The following DNAH8 variants were observed in gnomAD, a reference collection of about 807,000 sequenced individuals.
The protein encoded by DNAH8 is axonemal beta dynein heavy chain 8.
A neutral mutation model predicts 562.1 loss-of-function variants in DNAH8; 382 were observed. That is an observed-to-expected ratio of 0.68 (90% confidence interval 0.63 to 0.74). The LOEUF (loss-of-function observed/expected upper bound fraction) is 0.74. Among genes scored for constraint, DNAH8 ranks in the 30% least tolerant of loss-of-function variants. The pLI, the probability that DNAH8 is intolerant of heterozygous loss-of-function variation, is 0.00. For synonymous variants in DNAH8, 1,881 were observed against 1,919.4 expected (o/e 0.98, Z 0.52); for missense variants, 5,203 against 5,620.4 (o/e 0.93, Z 2.37).
intron 9 of DNAH8, among the ~76,000 whole-genome samples, chr6:38,752,057 T>C (rs1342030751): frequency 1.3e-5 from 2 of 152,230 alleles, no homozygotes; most frequent in East Asian, 3.8e-4. Context: ...TGGGACCAAA[T>C]TGGAATCTAG....
At chr6:38,720,438 G>A (rs1019404817) in intron 1 of DNAH8, among the ~76,000 whole-genome samples, 1 of 152,098 alleles carries the variant, frequency 6.6e-6, no homozygotes, top group African/African-American at 2.4e-5. Flanking sequence ...CACACTGCTG[G>A]GATAATCCTT....
Position 38,923,045 on chromosome 6 carries a change from A to G in DNAH8, c.10663-13A>G, listed in dbSNP as rs1399879776. The G allele has an allele frequency of 2.5e-6, 4 of 1,609,766 alleles. No homozygotes were observed. The highest frequency in any genetic ancestry group is 3.4e-5 in the Admixed American group (2 of 58,966). Reference sequence around the variant, plus strand: ...GAAAAGTTTTTTGAGACATTCTCCCATTATGGCTGCAGGATTTGCTTAATG... The same window carrying G: ...GAAAAGTTTTTTGAGACATTCTCCCGTTATGGCTGCAGGATTTGCTTAATG... On this transcript the variant is annotated splice_polypyrimidine_tract_variant and intron_variant, in intron 71 of 92. Coordinates refer to ENST00000327475, the MANE Select transcript of DNAH8 (RefSeq NM_001206927.2).
At chr6:38,727,954 TG>T (rs1427110781) in intron 3 of DNAH8, among the ~76,000 whole-genome samples, 3 of 152,098 alleles carry the variant, frequency 2.0e-5, no homozygotes, top group Admixed American at 1.3e-4. Context: ...GTGTGTGTTT[TG>T]GGTCCTTAAG....
Position 39,030,461 on chromosome 6 carries a change from T to C in DNAH8, c.*69T>C. ...CCTGTGCTATTGAGGGACTCAGTGATGTGTGTGTCTTTTCTCCCCAGTAAT... is the reference window on the plus strand; with the variant it reads ...CCTGTGCTATTGAGGGACTCAGTGACGTGTGTGTCTTTTCTCCCCAGTAAT... On this transcript the variant is annotated 3_prime_UTR_variant, in exon 93 of 93. Coordinates refer to ENST00000327475, the MANE Select transcript of DNAH8 (RefSeq NM_001206927.2). The C allele has an allele frequency of 1.5e-6, 2 of 1,356,378 alleles. No homozygotes were observed. Among genetic ancestry groups the C allele is most frequent in the South Asian group, 2.7e-5 (2 of 73,998 alleles). 84.0% of individuals were successfully genotyped at this position (1,356,378 alleles called of 1,614,324 possible).
chr6:38,745,631 T>G (rs1215133358), intron 8 of DNAH8, among the ~76,000 whole-genome samples: 1 of 152,222 alleles, frequency 6.6e-6, no homozygotes, highest in Non-Finnish European at 1.5e-5. Context: ...CTCCAGGTTT[T>G]CCACTTATGT....
intron 91 of DNAH8, among the ~76,000 whole-genome samples, chr6:39,022,746 C>A (rs543082068): frequency 6.6e-6 from 1 of 152,316 alleles, no homozygotes; most frequent in South Asian, 2.1e-4. Flanking sequence ...GGTGTCTGAA[C>A]AGAAGGGCCT....
intron 57 of DNAH8, 81 bp from the exon 58 acceptor site, chr6:38,890,571 G>A: frequency 9.8e-7 from 1 of 1,018,650 alleles, no homozygotes; most frequent in Non-Finnish European, 1.5e-6. Context: ...AGTCAGCCTT[G>A]TAATGATTTG....
chr6:39,014,880 G>A (rs1206980240), intron 91 of DNAH8, among the ~76,000 whole-genome samples: 2 of 152,132 alleles, frequency 1.3e-5, no homozygotes, highest in African/African-American at 4.8e-5. Context: ...GCAAGTGAGG[G>A]ACTGGAATAT....
At chr6:38,881,549 G>GTTTTTTTT (rs3047883) in intron 53 of DNAH8, among the ~76,000 whole-genome samples, 1 of 134,018 alleles carries the variant, frequency 7.5e-6, no homozygotes, top group Non-Finnish European at 1.6e-5. Flanking sequence ...TGAAATCAAT[G>GTTTTTTTT]TTTTTTTTTT....
chr6:38,775,907 G>T lies in DNAH8; in HGVS notation c.1918G>T (p.Asp640Tyr). The T allele has an allele frequency of 6.2e-7, 1 of 1,613,108 alleles. No individual in the cohort carries two copies. The highest frequency in any genetic ancestry group is 1.1e-5 in the South Asian group (1 of 91,016). Residue 640 changes from aspartate (D) to tyrosine (Y), a missense_variant, in exon 13 of 93, where the codon GAC becomes TAC. Physicochemically the swap from Asp to Tyr is radical, Grantham distance 160. Transcript: ENST00000327475. ...DILDPRRTEF[D>Y]TDFLDFMTKI... ...TCTGGATCCAAGAAGGACAGAATTT[G>T]ACACAGATTTCTTAGATTTCATGAC...
intron 88 of DNAH8, 92 bp downstream of exon 88, chr6:38,990,264 C>T (rs1312197923): frequency 1.1e-5 from 9 of 830,304 alleles, no homozygotes; most frequent in East Asian, 2.6e-5. Context: ...AATCTCTCTC[C>T]TTTCCCCCTT....
chr6:39,028,678 CA>C (rs1445912741), intron 92 of DNAH8, among the ~76,000 whole-genome samples: 1 of 152,196 alleles, frequency 6.6e-6, no homozygotes, highest in Non-Finnish European at 1.5e-5. Context: ...CACACCTTCT[CA>C]CTGACTTTTT....
rs1780613643 is a variant in DNAH8 at position 38,908,008 on chromosome 6, T to C, written c.9401T>C (p.Ile3134Thr). 6 of 1,612,526 alleles carry C rather than the reference T, an allele frequency of 3.7e-6. No homozygotes were observed. Among genetic ancestry groups the C allele is most frequent in the Non-Finnish European group, 5.1e-6 (6 of 1,179,554 alleles). ...ATGGATGAAATCACCCAAGGTCTGA[T>C]TTCAGTGATGAAGAGGGAGCTACCT... ...DEMDEITQGL[I>T]SVMKRELPRH... The change falls in exon 64 of 93, where the codon ATT becomes ACT. Residue 3134 changes from isoleucine (I) to threonine (T), a missense_variant. Coordinates refer to ENST00000327475, the MANE Select transcript of DNAH8 (RefSeq NM_001206927.2).
chr6:38,892,871 C>T (rs779646272), intron 58 of DNAH8, among the ~76,000 whole-genome samples: 4 of 152,228 alleles, frequency 2.6e-5, no homozygotes, highest in African/African-American at 7.2e-5. Flanking sequence ...AGGTTTATTG[C>T]GTTGCTGGGC....
In DNAH8 at chr6:38,715,950, A is replaced by ATTTTTTTTTTT. The variant is rs70981580; in HGVS notation, c.-35+536_-35+537insTTTTTTTTTTT. ...AATATATATATATATATATATATATATATATATATATTTTTTTTTTTTTTT... is the reference window on the plus strand; with the variant it reads ...AATATATATATATATATATATATATATTTTTTTTTTTTATATATATATTTTTTTTTTTTTTT... On this transcript the variant is annotated intron_variant, in intron 1 of 92. Transcript: ENST00000327475. 6.4e-5 allele frequency among the ~76,000 whole-genome samples: 2 copies of ATTTTTTTTTTT among 31,250 alleles called. 1 individual carries two copies. The highest frequency in any genetic ancestry group is 3.6e-4 in the African/African-American group (2 of 5,504). The allele number at this position is 31,250 out of a possible 152,430, so 20.5% of individuals were successfully genotyped here.
At chr6:38,893,368 A>G (rs1779464614) in intron 58 of DNAH8, among the ~76,000 whole-genome samples, 1 of 152,182 alleles carries the variant, frequency 6.6e-6, no homozygotes, top group Non-Finnish European at 1.5e-5. Flanking sequence ...AGTAGAGGGA[A>G]ATATTAGAAG....
chr6:38,941,397 A>C (rs557454716), intron 79 of DNAH8, among the ~76,000 whole-genome samples: 6 of 152,230 alleles, frequency 3.9e-5, no homozygotes, highest in Non-Finnish European at 8.8e-5. Flanking sequence ...AAACTTCGCA[A>C]ACTATTTTGC....
chr6:39,010,577 G>A (rs1766123660), intron 89 of DNAH8, among the ~76,000 whole-genome samples: 1 of 151,942 alleles, frequency 6.6e-6, no homozygotes, highest in Non-Finnish European at 1.5e-5. Flanking sequence ...GCAGGACAAG[G>A]TGATTTGTTT....
At chr6:38,867,860 T>C (rs1777171894) in intron 47 of DNAH8, among the ~76,000 whole-genome samples, 1 of 152,170 alleles carries the variant, frequency 6.6e-6, no homozygotes, top group African/African-American at 2.4e-5. Context: ...TTACTTGATC[T>C]TGCAGCTTGG....
Sources: gnomAD v4.1 joint callset for allele counts (sites outside exome capture counted in the v4.1 genomes callset) on GRCh38, gnomAD v4.1.1 for gene constraint, MANE v1.5 for transcripts, NCBI Gene and HGNC (gene_info 2026-07-23, HGNC 2026-07-21) for gene names.